The following RAB18 variants were observed in gnomAD, a reference collection of about 807,000 sequenced individuals.
RAB18 encodes the protein ras-related protein Rab-18.
RAB18 carries 10 observed loss-of-function variants against 28.5 expected under a neutral mutation model. The observed-to-expected ratio is 0.35, with a 90% confidence interval of 0.22 to 0.60. The LOEUF (loss-of-function observed/expected upper bound fraction) is 0.60. Ranked by LOEUF, RAB18 falls within the 20% of genes least tolerant of loss-of-function variation. The probability of loss-of-function intolerance (pLI) is 0.78; values close to 1 mark genes in which losing one functional copy is unlikely to be tolerated. For synonymous variants in RAB18, 93 were observed against 86.9 expected (o/e 1.07, Z -0.39); for missense variants, 188 against 244.2 (o/e 0.77, Z 1.53).
chr10:27,519,409 T>C (rs1406807981), intron 2 of RAB18, among the ~76,000 whole-genome samples: 1 of 151,984 alleles, frequency 6.6e-6, no homozygotes, highest in Non-Finnish European at 1.5e-5. Flanking sequence ...ACCACTTCGG[T>C]TGTACTAGAA....
chr10:27,517,410 C>T (rs1163900289), intron 2 of RAB18, among the ~76,000 whole-genome samples: 1 of 152,016 alleles, frequency 6.6e-6, no homozygotes, highest in African/African-American at 2.4e-5. Flanking sequence ...ATTAGATTTG[C>T]TGCATTTGTT....
chr10:27,537,970 C>G lies in RAB18; in HGVS notation c.540C>G (p.Asn180Lys), dbSNP rs868407151. Reference sequence around the variant, plus strand: ...CCCCTGGACTGTGGGAAAGTGAGAACCAGAATAAAGGAGTCAAACTGTCAC... The same window carrying G: ...CCCCTGGACTGTGGGAAAGTGAGAAGCAGAATAAAGGAGTCAAACTGTCAC... ...IQTPGLWESENQNKGVKLSHR... is the reference protein window; with the variant it reads ...IQTPGLWESEKQNKGVKLSHR... Residue 180 changes from asparagine (N) to lysine (K), a missense_variant, in exon 7 of 7, where the codon AAC (asparagine) becomes AAG (lysine). Physicochemically the swap from Asn to Lys is moderately conservative, Grantham distance 94. Coordinates refer to ENST00000356940, the MANE Select transcript of RAB18 (RefSeq NM_021252.5). 1 of 1,614,016 alleles carries G rather than the reference C, an allele frequency of 6.2e-7. No individual in the cohort carries two copies. Among genetic ancestry groups the G allele is most frequent in the Non-Finnish European group, 8.5e-7 (1 of 1,179,972 alleles).
At chr10:27,506,139 TTAAGTTCAGGCATATGAAATTAG>T (rs1477573266) in intron 1 of RAB18, among the ~76,000 whole-genome samples, 2 of 152,202 alleles carry the variant, frequency 1.3e-5, no homozygotes, top group Admixed American at 1.3e-4. Flanking sequence ...TCGTTCTCAT[TTAAGTTCAGGCATATGAAATTAG>T]TGTTTTTGAA....
At chr10:27,511,847 A>G (rs1185835379) in intron 2 of RAB18, among the ~76,000 whole-genome samples, 1 of 152,230 alleles carries the variant, frequency 6.6e-6, no homozygotes, top group Admixed American at 6.5e-5. Flanking sequence ...TGATAAGGAC[A>G]GTATATGATC....
chr10:27,511,088 T>A (rs1418279499), intron 2 of RAB18, among the ~76,000 whole-genome samples: 1 of 152,210 alleles, frequency 6.6e-6, no homozygotes, highest in Non-Finnish European at 1.5e-5. Context: ...ATACACAGAT[T>A]TTATCAGTTG....
rs749680833 is a variant in RAB18, at chr10:27,538,404, AT to A, written c.*357del. 2 of 461,268 alleles carry A rather than the reference AT, an allele frequency of 4.3e-6. No individual in the cohort carries two copies. The highest frequency in any genetic ancestry group is 3.1e-5 in the South Asian group (2 of 64,530). 28.6% of individuals were successfully genotyped at this position (461,268 alleles called of 1,614,324 possible). ...TTCTTTTTGCTTAAATACTCCTATC[AT>A]TTTCTGAATTACTTGGTATTTAGAA... On this transcript the variant is annotated 3_prime_UTR_variant, in exon 7 of 7. Transcript: ENST00000356940.
At chr10:27,508,226 G>C (rs894911045) in intron 1 of RAB18, among the ~76,000 whole-genome samples, 2 of 152,170 alleles carry the variant, frequency 1.3e-5, no homozygotes, top group Non-Finnish European at 2.9e-5. Flanking sequence ...CCCAGAGCCT[G>C]TATTAAAATT....
At chr10:27,530,393 T>A (rs1054986958) in intron 3 of RAB18, among the ~76,000 whole-genome samples, 25 of 151,904 alleles carry the variant, frequency 1.6e-4, no homozygotes, top group African/African-American at 6.0e-4. Context: ...AATCCAAGGC[T>A]TGTCTTTTCA....
Position 27,542,155 on chromosome 10 carries a change from T to C in RAB18, c.*4104T>C, listed in dbSNP as rs1835052798. ...GAGTCTATTGGAGCCCTTGGGAACT[T>C]CTGGATCAAATTGGACCTGAATTGA... is the stretch of plus-strand genomic sequence containing the variant. On this transcript the variant is annotated 3_prime_UTR_variant, in exon 7 of 7. Transcript: ENST00000356940. The C allele has an allele frequency of 6.6e-6, 3 of 454,062 alleles. No individual in the cohort carries two copies. The highest frequency in any genetic ancestry group is 8.8e-6 in the Non-Finnish European group (2 of 226,778). The allele number at this position is 454,062 out of a possible 1,614,324, so 28.1% of individuals were successfully genotyped here.
intron 6 of RAB18, among the ~76,000 whole-genome samples, chr10:27,536,437 C>T (rs1007584746): frequency 6.6e-6 from 1 of 152,038 alleles, no homozygotes; most frequent in African/African-American, 2.4e-5. Context: ...TCCAGCTGTT[C>T]TGGAGGCTGA....
chr10:27,509,909 C>G lies in RAB18; in HGVS notation c.103C>G (p.Pro35Ala). Residue 35 changes from proline to alanine, a missense_variant, in exon 2 of 7, where the codon CCA becomes GCA. Pro to Ala is a conservative substitution (Grantham distance 27). Transcript: ENST00000356940. ...LLRFTDDTFD[P>A]ELAATIGVDF... is the part of the protein sequence containing the mutation. ...GAGGTTCACAGATGATACGTTTGAT[C>G]CAGAACTTGCAGCAACAATAGGTAA... is the stretch of plus-strand genomic sequence containing the variant. 1 of 1,612,718 alleles carries G rather than the reference C, an allele frequency of 6.2e-7. No homozygotes were observed. The highest frequency in any genetic ancestry group is 2.2e-5 in the East Asian group (1 of 44,854).
At chr10:27,509,663 G>A (rs1217861299) in intron 1 of RAB18, among the ~76,000 whole-genome samples, 1 of 152,134 alleles carries the variant, frequency 6.6e-6, no homozygotes, top group Non-Finnish European at 1.5e-5. Context: ...ATATTTCATA[G>A]TAAACTACTT....
At chr10:27,517,459 T>C (rs1469778955) in intron 2 of RAB18, among the ~76,000 whole-genome samples, 1 of 152,138 alleles carries the variant, frequency 6.6e-6, no homozygotes, top group African/African-American at 2.4e-5. Context: ...GATAAAGGCA[T>C]AGGGAATTGG....
In RAB18 at chr10:27,541,405, A is replaced by G. The variant is rs1023435015; in HGVS notation, c.*3354A>G. On this transcript the variant is annotated 3_prime_UTR_variant, in exon 7 of 7. Transcript: ENST00000356940. ...GGAACATCTATCATGCTGGAGGACT[A>G]CTGTGATGGGGCTTTACATTTTACT... The G allele has an allele frequency of 2.2e-6, 1 of 452,782 alleles. No individual in the cohort carries two copies. Among genetic ancestry groups the G allele is most frequent in the African/African-American group, 2.0e-5 (1 of 49,518 alleles). 28.0% of individuals were successfully genotyped at this position (452,782 alleles called of 1,614,324 possible).
intron 3 of RAB18, among the ~76,000 whole-genome samples, chr10:27,528,769 A>C (rs1028868388): frequency 3.9e-5 from 6 of 152,084 alleles, no homozygotes; most frequent in African/African-American, 1.4e-4. Context: ...AGTAGAAATG[A>C]ATATGAAGTC....
At chr10:27,516,368 C>T (rs1834437508) in intron 2 of RAB18, among the ~76,000 whole-genome samples, 1 of 152,012 alleles carries the variant, frequency 6.6e-6, no homozygotes, top group South Asian at 2.1e-4. Context: ...CCAGCCTGGT[C>T]AACATGGTGA....
chr10:27,538,186 A>G lies in RAB18; in HGVS notation c.*135A>G, dbSNP rs1200230197. 1 of 1,221,620 alleles carries G rather than the reference A, an allele frequency of 8.2e-7. No homozygotes were observed. Among genetic ancestry groups the G allele is most frequent in the Admixed American group, 1.9e-5 (1 of 51,854 alleles). The allele number at this position is 1,221,620 out of a possible 1,614,324, so 75.7% of individuals were successfully genotyped here. A position where few individuals can be genotyped will look rare whatever the true frequency, so the allele number is the denominator to read the frequency against. On this transcript the variant is annotated 3_prime_UTR_variant, in exon 7 of 7. Coordinates refer to ENST00000356940, the MANE Select transcript of RAB18 (RefSeq NM_021252.5). ...TATATCATAGCAGTAAATATTTGCA[A>G]GAAATCCCACTCATCGACCCCGGGT... is the stretch of plus-strand genomic sequence containing the variant.
Position 27,538,415 on chromosome 10 carries a change from T to TA in RAB18, c.*365dup, listed in dbSNP as rs1375681785. 1.7e-5 allele frequency: 8 copies of TA among 458,616 alleles called. No individual in the cohort carries two copies. Among genetic ancestry groups the TA allele is most frequent in the Non-Finnish European group, 3.0e-5 (7 of 229,706 alleles). The allele number at this position is 458,616 out of a possible 1,614,324, so 28.4% of individuals were successfully genotyped here. ...TAAATACTCCTATCATTTTCTGAAT[T>TA]ACTTGGTATTTAGAACTCCTAGCAC... On this transcript the variant is annotated 3_prime_UTR_variant, in exon 7 of 7. Transcript: ENST00000356940.
intron 2 of RAB18, among the ~76,000 whole-genome samples, chr10:27,517,288 G>T (rs1051382564): frequency 1.3e-5 from 2 of 152,048 alleles, no homozygotes; most frequent in African/African-American, 4.8e-5. Flanking sequence ...ACTTGAATCC[G>T]GGAGGCAGAG....
Sources: allele counts gnomAD v4.1 joint callset (sites outside exome capture counted in the v4.1 genomes callset), GRCh38; gene constraint gnomAD v4.1.1; transcripts MANE v1.5; gene names NCBI Gene and HGNC (gene_info 2026-07-23, HGNC 2026-07-21).